Variants in FHIP1A observed in about 807,000 individuals in gnomAD.
FHIP1A encodes the protein FHF complex subunit HOOK interacting protein 1A.
A neutral mutation model predicts 88.6 loss-of-function variants in FHIP1A; 61 were observed. The ratio of observed to expected loss-of-function variants is 0.69; its 90% confidence interval spans 0.56 to 0.85. The LOEUF (loss-of-function observed/expected upper bound fraction) is 0.85, where lower values mean the gene tolerates loss of function less well. FHIP1A is among the 40% of genes least tolerant of loss of function. The pLI, the probability that FHIP1A is intolerant of heterozygous loss-of-function variation, is 0.00. For synonymous variants in FHIP1A, 478 were observed against 496.0 expected (o/e 0.96, Z 0.48); for missense variants, 1,154 against 1,273.5 (o/e 0.91, Z 1.43).
At chr4:151,600,734 C>T (rs1734837215) in intron 7 of FHIP1A, among the ~76,000 whole-genome samples, 1 of 152,130 alleles carries the variant, frequency 6.6e-6, no homozygotes, top group African/African-American at 2.4e-5. Flanking sequence ...TCTTTCCCTC[C>T]TTCCACACAG....
At chr4:151,432,861 G>C (rs1247839526) in intron 1 of FHIP1A, among the ~76,000 whole-genome samples, 3 of 152,142 alleles carry the variant, frequency 2.0e-5, no homozygotes, top group Non-Finnish European at 4.4e-5. Context: ...TACAGCCCTA[G>C]TCAAGTGCAG....
At chr4:151,613,778 T>A (rs147357531) in intron 7 of FHIP1A, among the ~76,000 whole-genome samples, 21 of 152,106 alleles carry the variant, frequency 1.4e-4, no homozygotes, top group Middle Eastern at 3.4e-3. Context: ...TGGATCAGGA[T>A]AGGGCATGAG....
At chr4:151,616,497 G>A (rs1219652542) in intron 7 of FHIP1A, among the ~76,000 whole-genome samples, 2 of 137,332 alleles carry the variant, frequency 1.5e-5, no homozygotes, top group Non-Finnish European at 3.0e-5. Flanking sequence ...CACCCAGGCT[G>A]GAGTGCAGTG....
Position 151,663,123 on chromosome 4 carries a change from C to G in FHIP1A, c.*369C>G, listed in dbSNP as rs1324625266. ...TGTCTGGTGATGTCTGGAAGTGCCC[C>G]ATGTCAGAATTCCAGCTGTTCAGCA... On this transcript the variant is annotated 3_prime_UTR_variant, in exon 14 of 14. Coordinates refer to ENST00000435205, the MANE Select transcript of FHIP1A (RefSeq NM_001109977.3). 6.0e-6 allele frequency: 1 copy of G among 167,386 alleles called. No homozygotes were observed. Among genetic ancestry groups the G allele is most frequent in the Admixed American group, 6.1e-5 (1 of 16,488 alleles). The allele number at this position is 167,386 out of a possible 1,614,324, so 10.4% of individuals were successfully genotyped here.
At position 151,629,717 on chromosome 4, in the gene FHIP1A, G is replaced by A. The variant is rs1736079313; in HGVS notation, c.994G>A (p.Val332Ile). 1.3e-6 allele frequency: 2 copies of A among 1,550,966 alleles called. No individual in the cohort carries two copies. The highest frequency in any genetic ancestry group is 2.7e-5 in the African/African-American group (2 of 72,982). ...TTTGTCCTAGGTGACTGTGGAAGAG[G>A]TCATGACCACAACTGCATATCTGGA... The part of the protein sequence containing the change: ...PALHKVTVEE[V>I]MTTTAYLDLF... Residue 332 changes from valine to isoleucine, a missense_variant, in exon 8 of 14, where the codon GTC (valine) becomes ATC (isoleucine). Val to Ile is a conservative substitution (Grantham distance 29). Transcript: ENST00000435205.
rs182605331 is a variant in FHIP1A, at chr4:151,509,076, A to G, written c.-123+26428A>G. On this transcript the variant is annotated intron_variant, in intron 3 of 13. Transcript: ENST00000435205. Reference sequence around the variant, plus strand: ...CCATGTACAAATGAATACTAAATAAATATTACTCGAGGAGAGTAAAGGAGC... The same window carrying G: ...CCATGTACAAATGAATACTAAATAAGTATTACTCGAGGAGAGTAAAGGAGC... Among the ~76,000 whole-genome samples the G allele has an allele frequency of 4.4e-3, 665 of 152,282 alleles. 3 individuals are homozygous for G. Among genetic ancestry groups the G allele is most frequent in the African/African-American group, 0.015 (621 of 41,560 alleles).
At chr4:151,415,012 C>T (rs972846750) in intron 1 of FHIP1A, among the ~76,000 whole-genome samples, 5 of 152,036 alleles carry the variant, frequency 3.3e-5, no homozygotes, top group South Asian at 2.1e-4. Flanking sequence ...TTATTATTAA[C>T]GTGGTTGTTA....
At chr4:151,452,633 TG>T (rs772311313) in intron 1 of FHIP1A, among the ~76,000 whole-genome samples, 46 of 152,158 alleles carry the variant, frequency 3.0e-4, no homozygotes, top group Middle Eastern at 3.4e-3. Context: ...ATAAACTAGC[TG>T]GGTGTGGTGG....
chr4:151,544,447 T>C (rs1290230938), intron 3 of FHIP1A, among the ~76,000 whole-genome samples: 1 of 152,202 alleles, frequency 6.6e-6, no homozygotes, highest in Non-Finnish European at 1.5e-5. Context: ...ACAGGGATAC[T>C]GATTAACCTC....
intron 3 of FHIP1A, among the ~76,000 whole-genome samples, chr4:151,527,027 C>T (rs1228323172): frequency 5.3e-5 from 8 of 150,602 alleles, no homozygotes; most frequent in Non-Finnish European, 1.0e-4. Context: ...AGAGACACTC[C>T]TCACTTTCCA....
intron 1 of FHIP1A, among the ~76,000 whole-genome samples, chr4:151,454,494 C>G (rs11931120): frequency 0.025 from 3,868 of 152,234 alleles, 177 homozygotes; most frequent in African/African-American, 0.088. Context: ...CTTTTTCCCT[C>G]AATGTAAAAT....
chr4:151,514,397 G>C (rs1307862372), intron 3 of FHIP1A, among the ~76,000 whole-genome samples: 2 of 151,594 alleles, frequency 1.3e-5, no homozygotes, highest in Non-Finnish European at 2.9e-5. Context: ...AAAAGAACTA[G>C]AGAAGCAAGA....
At chr4:151,418,803 C>T (rs1733001132) in intron 1 of FHIP1A, among the ~76,000 whole-genome samples, 1 of 152,168 alleles carries the variant, frequency 6.6e-6, no homozygotes, top group Non-Finnish European at 1.5e-5. Flanking sequence ...TAATTGCCTA[C>T]CAGAGCACCT....
intron 9 of FHIP1A, among the ~76,000 whole-genome samples, chr4:151,644,278 C>T (rs1357632755): frequency 6.6e-6 from 1 of 151,902 alleles, no homozygotes; most frequent in Non-Finnish European, 1.5e-5. Flanking sequence ...GCCCAACCCC[C>T]AAACCCCCCA....
intron 3 of FHIP1A, among the ~76,000 whole-genome samples, chr4:151,543,888 C>T (rs574969706): frequency 1.3e-5 from 2 of 152,240 alleles, no homozygotes; most frequent in Admixed American, 1.3e-4. Flanking sequence ...TGCAAAATTG[C>T]CTTTCAGTAG....
intron 1 of FHIP1A, among the ~76,000 whole-genome samples, chr4:151,424,431 A>C (rs1243212601): frequency 6.6e-6 from 1 of 152,106 alleles, no homozygotes; most frequent in African/African-American, 2.4e-5. Context: ...CTGTAGGGAG[A>C]AAGGCAGGAC....
chr4:151,623,205 G>C (rs1487996167), intron 7 of FHIP1A, among the ~76,000 whole-genome samples: 1 of 152,208 alleles, frequency 6.6e-6, no homozygotes, highest in African/African-American at 2.4e-5. Flanking sequence ...TGTGGGATTA[G>C]AATCAGGTTT....
intron 5 of FHIP1A, 39 bp from the exon 6 acceptor site, chr4:151,586,602 T>C (rs780773772): frequency 6.6e-7 from 1 of 1,510,472 alleles, no homozygotes. Context: ...GTTGAGAACT[T>C]TGGAAAAGCA....
intron 1 of FHIP1A, among the ~76,000 whole-genome samples, chr4:151,444,049 G>GGCTC (rs1728505387): frequency 6.7e-6 from 1 of 149,388 alleles, no homozygotes; most frequent in African/African-American, 2.6e-5. Flanking sequence ...AGCCTCCCCA[G>GGCTC]GCTCTATTGA....
Sources: allele counts gnomAD v4.1 joint callset (sites outside exome capture counted in the v4.1 genomes callset), GRCh38; gene constraint gnomAD v4.1.1; transcripts MANE v1.5; gene names NCBI Gene and HGNC (gene_info 2026-07-23, HGNC 2026-07-21).